Variants in ADGRG7 observed in about 807,000 individuals in gnomAD.
ADGRG7 encodes G-protein coupled receptor 128.
ADGRG7 carries 82 observed loss-of-function variants against 88.6 expected under a neutral mutation model. That is an observed-to-expected ratio of 0.93 (90% CI 0.77 to 1.11). ADGRG7 has a LOEUF of 1.11. Ranked by LOEUF, ADGRG7 falls within the 50% of genes most tolerant of loss-of-function variation. The pLI, the probability that ADGRG7 is intolerant of heterozygous loss-of-function variation, is 0.00. For missense variants in ADGRG7, 945 were observed against 953.4 expected (o/e 0.99, Z 0.12); for synonymous variants, 381 against 345.2 (o/e 1.10, Z -1.15).
At chr3:100,664,433 A>G (rs1229084008) in intron 14 of ADGRG7, among the ~76,000 whole-genome samples, 1 of 152,194 alleles carries the variant, frequency 6.6e-6, no homozygotes, top group Non-Finnish European at 1.5e-5. Context: ...GCTAACGGTC[A>G]TAATTCTATC....
chr3:100,672,125 G>A (rs1309146445), intron 15 of ADGRG7, among the ~76,000 whole-genome samples: 1 of 152,134 alleles, frequency 6.6e-6, no homozygotes, highest in Non-Finnish European at 1.5e-5. Context: ...GAATAGTATT[G>A]AATCTATAAA....
chr3:100,672,002 T>G (rs1398185221), intron 15 of ADGRG7, among the ~76,000 whole-genome samples: 1 of 152,212 alleles, frequency 6.6e-6, no homozygotes, highest in Non-Finnish European at 1.5e-5. Flanking sequence ...TGCCTCCAGC[T>G]TTGTTCTTTT....
At chr3:100,671,033 G>A (rs1357131877) in intron 15 of ADGRG7, among the ~76,000 whole-genome samples, 1 of 152,136 alleles carries the variant, frequency 6.6e-6, no homozygotes, top group Non-Finnish European at 1.5e-5. Flanking sequence ...TGTCTTTATA[G>A]CAGCATGATT....
At chr3:100,635,507 TG>T (rs1707523756) in intron 4 of ADGRG7, 169 bp from the exon 5 acceptor site, 1 of 1,403,104 alleles carries the variant, frequency 7.1e-7, no homozygotes, top group African/African-American at 1.5e-5. Flanking sequence ...CTGGTCTGCA[TG>T]TACTTTGTCC....
rs1707481644 is a variant in ADGRG7 at position 100,633,301 on chromosome 3, C to G, written c.371C>G (p.Ser124Cys). ...ATGGCAGTCCGGTTGTGCAGTCTCT[C>G]TCTATATGGAGAGATAGAATTACAA... is the stretch of plus-strand genomic sequence containing the variant. ...NPMAVRLCSL[S>C]LYGEIELQKV... The change falls in exon 4 of 16, where the codon TCT becomes TGT. Residue 124 changes from serine to cysteine, a missense_variant. Transcript: ENST00000273352. The G allele has an allele frequency of 1.9e-6, 3 of 1,553,098 alleles. No individual in the cohort carries two copies. The highest frequency in any genetic ancestry group is 2.8e-5 in the African/African-American group (2 of 72,126).
At chr3:100,679,397 G>C (rs553352448) in intron 15 of ADGRG7, among the ~76,000 whole-genome samples, 2 of 152,274 alleles carry the variant, frequency 1.3e-5, no homozygotes, top group East Asian at 3.9e-4. Flanking sequence ...TCCAGGAGCC[G>C]AGGCCTGGAA....
At chr3:100,665,488 C>A (rs114537285) in intron 14 of ADGRG7, 5 of 513,546 alleles carry the variant, frequency 9.7e-6, no homozygotes, top group South Asian at 7.2e-5. Context: ...TCCTTTCCGC[C>A]GTCAGTGGCC....
intron 8 of ADGRG7, among the ~76,000 whole-genome samples, 196 bp from the exon 9 acceptor site, chr3:100,645,749 G>A (rs112305946): frequency 0.023 from 3,536 of 152,102 alleles, 108 homozygotes; most frequent in African/African-American, 0.069. Context: ...AAAAATTAAT[G>A]TGGGTGGAAT....
chr3:100,679,057 C>T (rs1235511023), intron 15 of ADGRG7, among the ~76,000 whole-genome samples: 1 of 152,172 alleles, frequency 6.6e-6, no homozygotes, highest in African/African-American at 2.4e-5. Context: ...ATGAGATCCC[C>T]CTGTCCCCAG....
At chr3:100,618,898 A>C (rs1019133488) in intron 1 of ADGRG7, among the ~76,000 whole-genome samples, 1 of 152,098 alleles carries the variant, frequency 6.6e-6, no homozygotes, top group Non-Finnish European at 1.5e-5. Context: ...TTCACTGAGT[A>C]GTGGTTTGTA....
chr3:100,682,713 G>A (rs150432945), intron 15 of ADGRG7, among the ~76,000 whole-genome samples: 162 of 152,238 alleles, frequency 1.1e-3, no homozygotes, highest in African/African-American at 3.7e-3. Context: ...GCCCAGCGAG[G>A]ACCTGAAGCT....
chr3:100,694,228 T>C (rs993475014), intron 15 of ADGRG7, among the ~76,000 whole-genome samples: 1 of 152,136 alleles, frequency 6.6e-6, no homozygotes, highest in Non-Finnish European at 1.5e-5. Context: ...ATATAGAAAA[T>C]ATTATTCAGT....
At chr3:100,663,065 G>T (rs1576330574) in intron 14 of ADGRG7, among the ~76,000 whole-genome samples, 1 of 152,022 alleles carries the variant, frequency 6.6e-6, no homozygotes, top group African/African-American at 2.4e-5. Flanking sequence ...ACATGTTATT[G>T]ACTAGGAGTC....
chr3:100,611,303 T>TCTTCCTTTCTTCCTTC (rs56353986), intron 1 of ADGRG7, among the ~76,000 whole-genome samples: 2 of 124,354 alleles, frequency 1.6e-5, no homozygotes, highest in Admixed American at 8.4e-5. Flanking sequence ...TTCCTTCCTT[T>TCTTCCTTTCTTCCTTC]CTTCTTTCCT....
chr3:100,691,205 CA>C lies in ADGRG7; in HGVS notation c.2137-3538del, dbSNP rs1576342856. Among the ~76,000 whole-genome samples the C allele has an allele frequency of 2.6e-5, 4 of 152,326 alleles. No individual in the cohort carries two copies. The East Asian group carries it at 7.7e-4, about 29-fold the overall frequency. ...CTCCTGGTGTGCCGTTTGTTAAGCC[CA>C]TTGGAAAAGTGCGGTATTAGGGTGG... On this transcript the variant is annotated intron_variant, in intron 15 of 15. Coordinates refer to ENST00000273352, the MANE Select transcript of ADGRG7 (RefSeq NM_032787.3).
intron 14 of ADGRG7, 107 bp downstream of exon 14, chr3:100,659,950 C>T: frequency 9.3e-7 from 1 of 1,073,408 alleles, no homozygotes; most frequent in African/African-American, 1.6e-5. Flanking sequence ...GAGACAATGG[C>T]AGGGCTACGT....
In ADGRG7 at chr3:100,612,359, A is replaced by G. The variant is rs961630247; in HGVS notation, c.115+2388A>G. Among the ~76,000 whole-genome samples the G allele has an allele frequency of 2.6e-5, 4 of 152,280 alleles. No homozygotes were observed. The East Asian group carries it at 7.7e-4, about 29-fold the overall frequency. On this transcript the variant is annotated intron_variant, in intron 1 of 15. Transcript: ENST00000273352. ...ACCTATAGTTTTAAAAATTCTTACTATGTTCTAGGTACTATGCTAAAAACT... is the reference window on the plus strand; with the variant it reads ...ACCTATAGTTTTAAAAATTCTTACTGTGTTCTAGGTACTATGCTAAAAACT...
At chr3:100,687,283 T>G (rs1015778021) in intron 15 of ADGRG7, among the ~76,000 whole-genome samples, 2 of 152,144 alleles carry the variant, frequency 1.3e-5, no homozygotes, top group African/African-American at 4.8e-5. Context: ...TGGGCTGAGA[T>G]GATGGGGTTT....
intron 1 of ADGRG7, 74 bp downstream of exon 1, chr3:100,610,045 A>T (rs1707125095): frequency 2.5e-6 from 3 of 1,205,588 alleles, no homozygotes; most frequent in Non-Finnish European, 3.7e-6. Context: ...CCTGGTGCAC[A>T]AGTACTGGGA....
Sources: gnomAD v4.1 joint callset for allele counts (sites outside exome capture counted in the v4.1 genomes callset) on GRCh38, gnomAD v4.1.1 for gene constraint, MANE v1.5 for transcripts, NCBI Gene and HGNC (gene_info 2026-07-23, HGNC 2026-07-21) for gene names.